Variants in NBPF3 observed in about 807,000 individuals in gnomAD.
NBPF3 encodes NBPF member 3, also known as NBPF family member NBPF3.
Under a neutral mutation model 78.1 loss-of-function variants are expected in NBPF3, and 57 were observed. The observed-to-expected ratio is 0.73, with a 90% CI of 0.59 to 0.91. The LOEUF (loss-of-function observed/expected upper bound fraction) is 0.91, where lower values mean the gene tolerates loss of function less well. Ranked by LOEUF, NBPF3 falls within the 40% of genes least tolerant of loss-of-function variation. The pLI is 0.00. For missense variants in NBPF3, 510 were observed against 715.3 expected (o/e 0.71, Z 3.27); for synonymous variants, 182 against 271.7 (o/e 0.67, Z 3.25).
chr1:21,456,238 GAC>G (rs1198482706), intron 2 of NBPF3, among the ~76,000 whole-genome samples: 1 of 152,106 alleles, frequency 6.6e-6, no homozygotes, highest in Admixed American at 6.5e-5. Context: ...CACAATCAAT[GAC>G]ACAAGTTAGC....
At chr1:21,457,186 G>GTGTGTGTA (rs1279588702) in intron 2 of NBPF3, among the ~76,000 whole-genome samples, 5 of 151,590 alleles carry the variant, frequency 3.3e-5, no homozygotes, top group African/African-American at 1.2e-4. Flanking sequence ...GTGTGTGTGT[G>GTGTGTGTA]TGTATGTATG....
Position 21,484,311 on chromosome 1 carries a change from G to A in NBPF3, c.*925G>A, listed in dbSNP as rs1643368155. 6.9e-6 allele frequency: 1 copy of A among 145,720 alleles called. No individual in the cohort carries two copies. The highest frequency in any genetic ancestry group is 1.5e-5 in the Non-Finnish European group (1 of 66,438). 9.0% of individuals were successfully genotyped at this position (145,720 alleles called of 1,614,324 possible). On this transcript the variant is annotated 3_prime_UTR_variant, in exon 15 of 15. Coordinates refer to ENST00000318249, the MANE Select transcript of NBPF3 (RefSeq NM_032264.6). Reference sequence around the variant, plus strand: ...ATGATAATGTAGCTACATTTCTTTAGTTATTTTGAACCCCAAATATTTCCT... The same window carrying A: ...ATGATAATGTAGCTACATTTCTTTAATTATTTTGAACCCCAAATATTTCCT...
At chr1:21,438,266 C>T (rs1640466146), upstream of NBPF3, among the ~76,000 whole-genome samples, 1 of 152,090 alleles carries the variant, frequency 6.6e-6, no homozygotes, top group Non-Finnish European at 1.5e-5. Flanking sequence ...GCGTGCACCA[C>T]CATGTCTGGC....
chr1:21,457,354 A>ATATATATATGTATGTATATATATGTATG (rs1239863678), intron 2 of NBPF3, among the ~76,000 whole-genome samples: 5 of 145,696 alleles, frequency 3.4e-5, no homozygotes, highest in African/African-American at 9.9e-5. Context: ...GTGTGTATAT[A>ATATATATATGTATGTATATATATGTATG]TATATATATG....
chr1:21,437,821 ATTTT>A (rs3053525), upstream of NBPF3, among the ~76,000 whole-genome samples: 1 of 143,488 alleles, frequency 7.0e-6, no homozygotes, highest in Non-Finnish European at 1.5e-5. Context: ...TGCCTGGCTA[ATTTT>A]TTTTTTTTTT....
chr1:21,476,986 T>G lies in NBPF3; in HGVS notation c.993-1158T>G, dbSNP rs972424266. 6.6e-6 allele frequency among the ~76,000 whole-genome samples: 1 copy of G among 152,202 alleles called. No homozygotes were observed. Among genetic ancestry groups the G allele is most frequent in the Non-Finnish European group, 1.5e-5 (1 of 68,042 alleles). On this transcript the variant is annotated intron_variant, in intron 8 of 14. Coordinates refer to ENST00000318249, the MANE Select transcript of NBPF3 (RefSeq NM_032264.6). This position sits in a 1 kb window ranked among gnomAD's most constrained non-coding sequence, Gnocchi z 4.1. The stretch of plus-strand genomic sequence containing the variant: ...GGCTTTGTTCATTTCTTTTTACTCT[T>G]TTTTCTCTAAACTGCTCTTCTCACT...
rs573123208 is a variant in NBPF3 at position 21,443,645 on chromosome 1, G to T, written c.-139-1303G>T. Among the ~76,000 whole-genome samples the T allele has an allele frequency of 2.0e-5, 3 of 151,086 alleles. No individual in the cohort carries two copies. In the South Asian group the frequency reaches 6.3e-4, roughly 32 times the overall value. ...TTTTTTTTTCTTGAGACAGTGTCTC[G>T]CTCTGTTGCCCAGGCTGGAGTGCAG... On this transcript the variant is annotated intron_variant, in intron 1 of 14. Transcript: ENST00000318249.
At chr1:21,470,796 C>T in intron 4 of NBPF3, 62 bp downstream of exon 4, 2 of 1,139,450 alleles carry the variant, frequency 1.8e-6, no homozygotes, top group South Asian at 2.5e-5. Context: ...AGTACAGCAG[C>T]TCGGCAGGGA....
intron 2 of NBPF3, 144 bp from the exon 3 acceptor site, chr1:21,468,544 G>A (rs1642402843): frequency 9.9e-6 from 15 of 1,520,344 alleles, no homozygotes; most frequent in Non-Finnish European, 1.3e-5. Context: ...TGTCGTTAAG[G>A]ATCCTAAAGT....
chr1:21,448,331 A>AT (rs1190787061), intron 2 of NBPF3, among the ~76,000 whole-genome samples: 273 of 143,772 alleles, frequency 1.9e-3, no homozygotes, highest in South Asian at 8.7e-3. Flanking sequence ...ATTTATTATT[A>AT]TTTTTTTTTT....
At chr1:21,479,968 C>T in intron 10 of NBPF3, 83 bp from the exon 11 acceptor site, 5 of 800,780 alleles carry the variant, frequency 6.2e-6, no homozygotes, top group Admixed American at 1.7e-5. Flanking sequence ...CAAACAGTTC[C>T]TTATGTTACC....
chr1:21,439,865 G>C (rs1640517985), upstream of NBPF3, among the ~76,000 whole-genome samples: 1 of 152,208 alleles, frequency 6.6e-6, no homozygotes, highest in Non-Finnish European at 1.5e-5. Context: ...CAAGTGGCCG[G>C]GGAAATCAGC....
intron 11 of NBPF3, among the ~76,000 whole-genome samples, chr1:21,480,562 G>C (rs1208877368): frequency 6.6e-6 from 1 of 152,020 alleles, no homozygotes; most frequent in Non-Finnish European, 1.5e-5. Context: ...TCAGTGTCTT[G>C]CAACCACGAA....
chr1:21,470,753 G>A lies in NBPF3; in HGVS notation c.446+19G>A, dbSNP rs199660684. On this transcript the variant is annotated intron_variant, in intron 4 of 14. Coordinates refer to ENST00000318249, the MANE Select transcript of NBPF3 (RefSeq NM_032264.6). ...AGCTCAGGTGAGTGGGCCCCCTGGG[G>A]TCAGGCAGGTGGGCAGGTGTGTAAA... The A allele has an allele frequency of 3.5e-4, 538 of 1,547,460 alleles. 1 individual carries two copies. The African/African-American group carries it at 6.8e-3, about 20-fold the overall frequency.
chr1:21,469,664 G>C (rs902594260), intron 3 of NBPF3, among the ~76,000 whole-genome samples: 7 of 152,214 alleles, frequency 4.6e-5, no homozygotes, highest in African/African-American at 1.7e-4. Flanking sequence ...GGCAGAGGTT[G>C]CAGTGAGCCA....
intron 1 of NBPF3, among the ~76,000 whole-genome samples, chr1:21,443,476 T>G (rs890041689): frequency 3.9e-5 from 6 of 152,226 alleles, no homozygotes; most frequent in African/African-American, 1.4e-4. Flanking sequence ...CTTTTATACT[T>G]AATTGTTCTT....
intron 1 of NBPF3, among the ~76,000 whole-genome samples, chr1:21,441,258 CTTTT>C (rs1640629791): frequency 6.6e-6 from 1 of 152,086 alleles, no homozygotes. Flanking sequence ...TAGTAGCTTT[CTTTT>C]TGTTTTTAAA....
At chr1:21,447,253 T>C (rs1395821404) in intron 2 of NBPF3, among the ~76,000 whole-genome samples, 3 of 152,244 alleles carry the variant, frequency 2.0e-5, no homozygotes, top group African/African-American at 7.2e-5. Flanking sequence ...GAACCACTGT[T>C]GATACATCAT....
Position 21,445,187 on chromosome 1 carries a change from T to C in NBPF3, c.101T>C (p.Val34Ala). Reference sequence around the variant, plus strand: ...GCACCAAGAGCAGCCTCACATGGTGTGGGCCGACATCAAGAGCTGCGAGAT... The same window carrying C: ...GCACCAAGAGCAGCCTCACATGGTGCGGGCCGACATCAAGAGCTGCGAGAT... ...FGAPRAASHG[V>A]GRHQELRDPT... The change falls in exon 2 of 15, where the codon GTG becomes GCG. Residue 34 changes from valine to alanine, a missense_variant. By Grantham distance (64) the Val-to-Ala change is moderately conservative. This residue lies in a region of NBPF3 where 440 missense variants were observed against 478.2 expected (regional missense o/e 0.92). Transcript: ENST00000318249. 6.2e-7 allele frequency: 1 copy of C among 1,611,846 alleles called. No homozygotes were observed. Among genetic ancestry groups the C allele is most frequent in the South Asian group, 1.1e-5 (1 of 90,974 alleles).
Sources: allele counts gnomAD v4.1 joint callset (sites outside exome capture counted in the v4.1 genomes callset), GRCh38; gene constraint gnomAD v4.1.1; regional missense constraint gnomAD v4.1.1; non-coding constraint Gnocchi (gnomAD v3.1); transcripts MANE v1.5; gene names NCBI Gene and HGNC (gene_info 2026-07-23, HGNC 2026-07-21).